FBXO36: variants seen among roughly 807,000 people sequenced by gnomAD.
FBXO36 encodes F-box only protein 36.
FBXO36 carries 18 observed loss-of-function variants against 17.0 expected under a neutral mutation model. That is an observed-to-expected ratio of 1.06 (90% CI 0.73 to 1.57). FBXO36 has a LOEUF of 1.57. Ranked by LOEUF, FBXO36 falls within the 40% of genes most tolerant of loss-of-function variation. The pLI is 0.00. For missense variants in FBXO36, 229 were observed against 221.9 expected (o/e 1.03, Z -0.20); for synonymous variants, 83 against 85.3 (o/e 0.97, Z 0.15).
At position 229,971,515 on chromosome 2, in the gene FBXO36, T is replaced by G. The variant is rs2077180229; in HGVS notation, c.97-4726T>G. 2.0e-5 allele frequency among the ~76,000 whole-genome samples: 3 copies of G among 152,074 alleles called. No homozygotes were observed. The South Asian group carries it at 6.2e-4, about 32-fold the overall frequency. On this transcript the variant is annotated intron_variant, in intron 1 of 3. Coordinates refer to ENST00000283946, the MANE Select transcript of FBXO36 (RefSeq NM_174899.5). ...AAAAAAAATCTACCCAGAAATGACT[T>G]AAACCGATCAGGCTTGCCTCCTAGA...
chr2:229,992,298 C>T (rs2077301867), intron 2 of FBXO36, among the ~76,000 whole-genome samples: 1 of 151,944 alleles, frequency 6.6e-6, no homozygotes. Context: ...ACTGGGATTA[C>T]AGGTGCCCGC....
At chr2:229,939,199 A>G in intron 1 of FBXO36, 1 of 977,316 alleles carries the variant, frequency 1.0e-6, no homozygotes, top group Non-Finnish European at 1.2e-6. Context: ...GATTACAGGC[A>G]TGAGCCACCG....
At chr2:229,949,222 G>A (rs2077042701) in intron 1 of FBXO36, among the ~76,000 whole-genome samples, 1 of 152,164 alleles carries the variant, frequency 6.6e-6, no homozygotes, top group Non-Finnish European at 1.5e-5. Context: ...AGTTCTGTCT[G>A]ATGTGCTTCC....
chr2:229,988,997 T>C (rs2077284692), intron 2 of FBXO36, among the ~76,000 whole-genome samples: 1 of 152,032 alleles, frequency 6.6e-6, no homozygotes, highest in African/African-American at 2.4e-5. Context: ...AAAAATTGGG[T>C]TGTTTCCAAT....
At chr2:229,987,978 A>C (rs1382030301) in intron 2 of FBXO36, among the ~76,000 whole-genome samples, 2 of 152,178 alleles carry the variant, frequency 1.3e-5, no homozygotes, top group African/African-American at 4.8e-5. Flanking sequence ...AATTTTCTTT[A>C]ACTGCTGCTT....
chr2:229,991,460 C>T (rs769157288), intron 2 of FBXO36, among the ~76,000 whole-genome samples: 6 of 152,040 alleles, frequency 3.9e-5, no homozygotes, highest in Non-Finnish European at 8.8e-5. Context: ...TGTTAGAAGT[C>T]GGACCAGAGG....
Position 229,996,757 on chromosome 2 carries a change from C to T in FBXO36, c.212C>T (p.Thr71Ile), listed in dbSNP as rs2077329597. 1 of 1,606,346 alleles carries T rather than the reference C, an allele frequency of 6.2e-7. No homozygotes were observed. The highest frequency in any genetic ancestry group is 2.2e-5 in the East Asian group (1 of 44,784). The change falls in exon 3 of 4, where the codon ACT becomes ATT. Residue 71 changes from threonine to isoleucine, a missense_variant. Physicochemically the swap from Thr to Ile is moderately conservative, Grantham distance 89. Transcript: ENST00000283946. Reference protein sequence around the residue: ...FLENSHLQGQTALIFGARILD... With the variant: ...FLENSHLQGQIALIFGARILD... The stretch of plus-strand genomic sequence containing the variant: ...TGGCTTCTTTGAATTACAGGTCAAA[C>T]TGCCTTAATATTTGGTGCAAGAATA...
intron 1 of FBXO36, among the ~76,000 whole-genome samples, chr2:229,946,618 A>T (rs773676587): frequency 6.6e-6 from 1 of 152,242 alleles, no homozygotes; most frequent in Non-Finnish European, 1.5e-5. Flanking sequence ...ATGATCAGCA[A>T]CAGGCAACAT....
chr2:229,933,610 A>G (rs1376051154), intron 1 of FBXO36, among the ~76,000 whole-genome samples: 1 of 152,158 alleles, frequency 6.6e-6, no homozygotes, highest in African/African-American at 2.4e-5. Flanking sequence ...CTATAGTCCC[A>G]GCTATTGAGA....
chr2:229,947,911 G>A (rs981515949), intron 1 of FBXO36, among the ~76,000 whole-genome samples: 1 of 152,214 alleles, frequency 6.6e-6, no homozygotes, highest in African/African-American at 2.4e-5. Context: ...AACATCAAGA[G>A]TGAAGATACA....
At position 230,012,081 on chromosome 2, in the gene FBXO36, T is replaced by A. The variant is rs937328782; in HGVS notation, c.*1197T>A. The A allele has an allele frequency of 1.3e-5, 2 of 152,204 alleles. No individual in the cohort carries two copies. The highest frequency in any genetic ancestry group is 4.8e-5 in the African/African-American group (2 of 41,454). The allele number at this position is 152,204 out of a possible 1,614,324, so 9.4% of individuals were successfully genotyped here. A position where few individuals can be genotyped will look rare whatever the true frequency, so the allele number is the denominator to read the frequency against. On this transcript the variant is annotated 3_prime_UTR_variant, in exon 4 of 4. Transcript: ENST00000283946. ...AGCTTTCTACTTCCACATCACATTA[T>A]AATATAGCCTTATAATTTCTTCTTT...
chr2:229,974,168 C>T (rs2077195704), intron 1 of FBXO36, among the ~76,000 whole-genome samples: 1 of 152,088 alleles, frequency 6.6e-6, no homozygotes. Context: ...CTGTGTACTG[C>T]TCTGTAGAGT....
At chr2:230,000,959 A>T (rs1355005813) in intron 3 of FBXO36, among the ~76,000 whole-genome samples, 1 of 140,954 alleles carries the variant, frequency 7.1e-6, no homozygotes, top group Non-Finnish European at 1.5e-5. Flanking sequence ...GGTTCAAGGG[A>T]TTCTCCTGCC....
chr2:229,991,178 G>A (rs989365267), intron 2 of FBXO36, among the ~76,000 whole-genome samples: 4 of 151,938 alleles, frequency 2.6e-5, no homozygotes, highest in Admixed American at 2.0e-4. Context: ...TTAAGTAATC[G>A]GCCCACCTTG....
At chr2:229,936,500 T>C (rs762274277) in intron 1 of FBXO36, among the ~76,000 whole-genome samples, 46 of 152,198 alleles carry the variant, frequency 3.0e-4, no homozygotes, top group Non-Finnish European at 5.1e-4. Context: ...TTTATAAAGA[T>C]AGATTGTTTT....
At chr2:230,005,906 G>T (rs1434567692) in intron 3 of FBXO36, among the ~76,000 whole-genome samples, 1 of 151,904 alleles carries the variant, frequency 6.6e-6, no homozygotes, top group African/African-American at 2.4e-5. Flanking sequence ...GACCTCAAGT[G>T]ATCTGCCTAC....
intron 1 of FBXO36, among the ~76,000 whole-genome samples, chr2:229,966,993 T>G (rs1239359102): frequency 1.3e-5 from 2 of 152,202 alleles, no homozygotes; most frequent in Non-Finnish European, 2.9e-5. Flanking sequence ...TTTCACGATA[T>G]TCTTCCTACC....
chr2:229,931,644 G>T (rs2076938856), intron 1 of FBXO36, among the ~76,000 whole-genome samples: 1 of 152,120 alleles, frequency 6.6e-6, no homozygotes, highest in Non-Finnish European at 1.5e-5. Flanking sequence ...TTCGAGACCA[G>T]CCTGGCCAGC....
intron 1 of FBXO36, 110 bp from the exon 2 acceptor site, chr2:229,976,131 T>C: frequency 3.0e-6 from 2 of 661,272 alleles, no homozygotes; most frequent in Non-Finnish European, 5.1e-6. Context: ...TGCAAAGTTA[T>C]AGCTAATGTT....
Sources: gnomAD v4.1 joint callset for allele counts (sites outside exome capture counted in the v4.1 genomes callset) on GRCh38, gnomAD v4.1.1 for gene constraint, MANE v1.5 for transcripts, NCBI Gene and HGNC (gene_info 2026-07-23, HGNC 2026-07-21) for gene names.